The following WIPF3 variants were observed in gnomAD, a reference collection of about 807,000 sequenced individuals.
WIPF3 encodes the protein WAS/WASL-interacting protein family member 3.
WIPF3 carries 33 observed loss-of-function variants against 38.9 expected under a neutral mutation model. The ratio of observed to expected loss-of-function variants is 0.85; its 90% confidence interval spans 0.64 to 1.14. The LOEUF (loss-of-function observed/expected upper bound fraction) is 1.14. Ranked by LOEUF, WIPF3 falls within the 50% of genes most tolerant of loss-of-function variation. The pLI is 0.00. For missense variants in WIPF3, 711 were observed against 652.5 expected (o/e 1.09, Z -0.98); for synonymous variants, 324 against 269.3 (o/e 1.20, Z -1.99).
chr7:29,905,981 A>G (rs10264876), intron 8 of WIPF3: 101,387 of 152,066 alleles, frequency 0.67, 34,902 homozygotes, highest in East Asian at 0.88. Flanking sequence ...TACACCTCAG[A>G]CTGATTCTTA....
intron 2 of WIPF3, among the ~76,000 whole-genome samples, chr7:29,864,044 A>G (rs796153069): frequency 2.6e-5 from 4 of 152,284 alleles, no homozygotes; most frequent in Non-Finnish European, 4.4e-5. Context: ...ATGTTATTGT[A>G]CTTGCTAGAA....
intron 1 of WIPF3, among the ~76,000 whole-genome samples, chr7:29,813,589 T>A (rs1187935288): frequency 6.6e-6 from 1 of 152,270 alleles, no homozygotes; most frequent in Non-Finnish European, 1.5e-5. Flanking sequence ...TTTATATTTC[T>A]ATTCATATTT....
intron 2 of WIPF3, among the ~76,000 whole-genome samples, chr7:29,859,092 G>A (rs1785234065): frequency 6.6e-6 from 1 of 152,218 alleles, no homozygotes; most frequent in Non-Finnish European, 1.5e-5. Flanking sequence ...TAGGGAGGGA[G>A]CTGTTTTTGG....
At position 29,884,361 on chromosome 7, in the gene WIPF3, T is replaced by TCCCCCCCCCCCCCCC; in HGVS notation, c.870_871insCCCCCCCCCCCCCCC (p.Pro290_Ala291insProProProProPro). 7.6e-6 allele frequency: 10 copies of TCCCCCCCCCCCCCCC among 1,317,898 alleles called. No individual in the cohort carries two copies. Among genetic ancestry groups the TCCCCCCCCCCCCCCC allele is most frequent in the Non-Finnish European group, 6.9e-6 (7 of 1,017,940 alleles). The allele number at this position is 1,317,898 out of a possible 1,614,324, so 81.6% of individuals were successfully genotyped here. ...GCCCTGCGCAAGATGCGCAGGAGCCTCCCGCCCCGCCGCCCCCGCTCCCCC... is the reference window on the plus strand; with the variant it reads ...GCCCTGCGCAAGATGCGCAGGAGCCTCCCCCCCCCCCCCCCCCCGCCCCGCCGCCCCCGCTCCCCC... On this transcript the variant is annotated inframe_insertion, in exon 5 of 9. Transcript: ENST00000242140.
Position 29,883,996 on chromosome 7 carries a change from C to T in WIPF3, c.502C>T (p.Arg168Cys), listed in dbSNP as rs1279518506. ...TGGCGCTGCCAGGACAGCCCCGCCTCGCCCCAACGTGCCTGCCCCGCCCCC... is the reference window on the plus strand; with the variant it reads ...TGGCGCTGCCAGGACAGCCCCGCCTTGCCCCAACGTGCCTGCCCCGCCCCC... Reference protein sequence around the residue: ...AHGAARTAPPRPNVPAPPPPT... With the variant: ...AHGAARTAPPCPNVPAPPPPT... The change falls in exon 5 of 9, where the codon CGC becomes TGC. Residue 168 changes from arginine to cysteine, a missense_variant. Arg to Cys is a radical substitution (Grantham distance 180, BLOSUM62 -3). Coordinates refer to ENST00000242140, the MANE Select transcript of WIPF3 (RefSeq NM_001080529.3). 1 of 1,530,534 alleles carries T rather than the reference C, an allele frequency of 6.5e-7. No individual in the cohort carries two copies. The highest frequency in any genetic ancestry group is 1.4e-5 in the African/African-American group (1 of 72,390). The allele number at this position is 1,530,534 out of a possible 1,614,324, so 94.8% of individuals were successfully genotyped here.
At position 29,844,260 on chromosome 7, in the gene WIPF3, A is replaced by G. The variant is rs1262315025; in HGVS notation, c.90+9446A>G. ...AGTCTGCGTCTCCTCAGATGTCTAC[A>G]TGGAACATTTGTTTCTTTTATAATT... On this transcript the variant is annotated intron_variant, in intron 2 of 8. Transcript: ENST00000242140. The surrounding 1 kb of genome is among the most constrained non-coding windows in gnomAD (Gnocchi z 4.8). 1.3e-5 allele frequency among the ~76,000 whole-genome samples: 2 copies of G among 152,156 alleles called. No homozygotes were observed. The highest frequency in any genetic ancestry group is 2.9e-5 in the Non-Finnish European group (2 of 68,022).
chr7:29,848,463 G>A (rs1312699996), intron 2 of WIPF3, among the ~76,000 whole-genome samples: 1 of 152,162 alleles, frequency 6.6e-6, no homozygotes, highest in Non-Finnish European at 1.5e-5. Context: ...GATCACCTGA[G>A]CCCAAGCCCC....
At chr7:29,883,776 C>T in intron 4 of WIPF3, 74 bp from the exon 5 acceptor site, 1 of 1,494,804 alleles carries the variant, frequency 6.7e-7, no homozygotes, top group South Asian at 1.4e-5. Flanking sequence ...CTTGAGTGTC[C>T]TGAGTGCCGC....
intron 4 of WIPF3, among the ~76,000 whole-genome samples, chr7:29,879,585 C>T (rs1394108575): frequency 6.6e-6 from 1 of 152,216 alleles, no homozygotes; most frequent in Non-Finnish European, 1.5e-5. Context: ...AAGCTTTAAA[C>T]AATCATTTTT....
intron 2 of WIPF3, among the ~76,000 whole-genome samples, chr7:29,864,787 G>C (rs576242785): frequency 6.6e-6 from 1 of 152,102 alleles, no homozygotes; most frequent in African/African-American, 2.4e-5. Flanking sequence ...TTCCCTTGAG[G>C]CCCAGCATCG....
chr7:29,814,944 C>T (rs1252535039), intron 1 of WIPF3, among the ~76,000 whole-genome samples: 2 of 152,134 alleles, frequency 1.3e-5, no homozygotes, highest in Non-Finnish European at 2.9e-5. Context: ...GAGGAGGGGA[C>T]ATTTTCCCCT....
At chr7:29,820,394 G>A (rs146113544) in intron 1 of WIPF3, among the ~76,000 whole-genome samples, 14 of 152,182 alleles carry the variant, frequency 9.2e-5, no homozygotes, top group Non-Finnish European at 4.4e-5. Flanking sequence ...GCCTATTTAT[G>A]TGTATTGATA....
At position 29,888,154 on chromosome 7, in the gene WIPF3, A is replaced by T. The variant is rs943973004; in HGVS notation, c.1186A>T (p.Thr396Ser). Reference sequence around the variant, plus strand: ...GCTTTCAAGCAAGAGCCAGCAGGCCACAGCCTGGACCCCGACGCAGCAGCC... The same window carrying T: ...GCTTTCAAGCAAGAGCCAGCAGGCCTCAGCCTGGACCCCGACGCAGCAGCC... ...TELSSKSQQA[T>S]AWTPTQQPGG... is the part of the protein sequence containing the mutation. Residue 396 changes from threonine (T) to serine (S), a missense_variant, in exon 6 of 9, where the codon ACA becomes TCA. Transcript: ENST00000242140. 6.2e-7 allele frequency: 1 copy of T among 1,613,726 alleles called. No individual in the cohort carries two copies. Among genetic ancestry groups the T allele is most frequent in the Non-Finnish European group, 8.5e-7 (1 of 1,179,756 alleles).
chr7:29,840,071 T>G (rs925605279), intron 2 of WIPF3, among the ~76,000 whole-genome samples: 2 of 152,212 alleles, frequency 1.3e-5, no homozygotes, highest in African/African-American at 4.8e-5. Flanking sequence ...GCCTGGCCCC[T>G]TCCAAGAGAA....
chr7:29,842,435 A>G, intron 2 of WIPF3, among the ~76,000 whole-genome samples: 1 of 152,164 alleles, frequency 6.6e-6, no homozygotes, highest in East Asian at 1.9e-4. Context: ...TGCTGAAGGG[A>G]GATTACAGTG....
At chr7:29,907,110 G>A (rs967246914) in intron 8 of WIPF3, among the ~76,000 whole-genome samples, 31 of 152,084 alleles carry the variant, frequency 2.0e-4, no homozygotes, top group African/African-American at 7.5e-4. Flanking sequence ...GTAACTATAT[G>A]GCCAATTATA....
chr7:29,840,165 A>G (rs919423344), intron 2 of WIPF3, among the ~76,000 whole-genome samples: 8 of 152,146 alleles, frequency 5.3e-5, no homozygotes, highest in African/African-American at 1.9e-4. Flanking sequence ...TGCAGTAGCC[A>G]GAGATCTTGC....
chr7:29,829,324 C>T (rs2128064414), intron 1 of WIPF3, among the ~76,000 whole-genome samples: 1 of 151,672 alleles, frequency 6.6e-6, no homozygotes, highest in East Asian at 2.0e-4. Context: ...GCCACTCTCC[C>T]ACCTCAGCCA....
At chr7:29,827,974 T>C (rs1490337432) in intron 1 of WIPF3, among the ~76,000 whole-genome samples, 1 of 152,126 alleles carries the variant, frequency 6.6e-6, no homozygotes, top group East Asian at 1.9e-4. Context: ...TTTCTTTGTA[T>C]TTTTTGTAGA....
Sources: gnomAD v4.1 joint callset for allele counts (sites outside exome capture counted in the v4.1 genomes callset) on GRCh38, gnomAD v4.1.1 for gene constraint, Gnocchi (gnomAD v3.1) non-coding constraint, MANE v1.5 for transcripts, NCBI Gene and HGNC (gene_info 2026-07-23, HGNC 2026-07-21) for gene names.